The following TREML4 variants were observed in gnomAD, a reference collection of about 807,000 sequenced individuals.
The protein encoded by TREML4 is triggering receptor expressed on myeloid cells like 4, also known as trem-like transcript 4 protein.
TREML4 carries 25 observed loss-of-function variants against 25.4 expected under a neutral mutation model. That is an observed-to-expected ratio of 0.98 (90% CI 0.72 to 1.37). The LOEUF (loss-of-function observed/expected upper bound fraction) is 1.37. TREML4 is among the 40% of genes most tolerant of loss of function. The pLI, the probability that TREML4 is intolerant of heterozygous loss-of-function variation, is 0.00. For synonymous variants in TREML4, 92 were observed against 87.9 expected (o/e 1.05, Z -0.26); for missense variants, 268 against 236.5 (o/e 1.13, Z -0.87).
intron 4 of TREML4, among the ~76,000 whole-genome samples, chr6:41,233,429 T>C (rs1312300965): frequency 2.6e-5 from 4 of 152,184 alleles, no homozygotes; most frequent in African/African-American, 7.2e-5. Flanking sequence ...AAATAAACTC[T>C]TCTGGCACTC....
At position 41,236,604 on chromosome 6, in the gene TREML4, T is replaced by TGCAGGTGCC; in HGVS notation, c.*23_*31dup. ...GTGAGTCCTGTTAGTGCTCCTGATCTGCAGGTGCCACAGGTGAGGGGGCCT... is the reference window on the plus strand; with the variant it reads ...GTGAGTCCTGTTAGTGCTCCTGATCTGCAGGTGCCGCAGGTGCCACAGGTGAGGGGGCCT... On this transcript the variant is annotated 3_prime_UTR_variant, in exon 5 of 6. Transcript: ENST00000341495. 6.3e-7 allele frequency: 1 copy of TGCAGGTGCC among 1,578,870 alleles called. No homozygotes were observed. Among genetic ancestry groups the TGCAGGTGCC allele is most frequent in the South Asian group, 1.1e-5 (1 of 90,230 alleles).
intron 4 of TREML4, among the ~76,000 whole-genome samples, chr6:41,231,820 CTCCTGTGGGAGA>C: frequency 1.3e-5 from 2 of 152,122 alleles, no homozygotes; most frequent in South Asian, 4.1e-4. Context: ...GTATCAAGAA[CTCCTGTGGGAGA>C]TAAAGGATGA....
At chr6:41,230,926 G>T (rs1299697608) in intron 4 of TREML4, among the ~76,000 whole-genome samples, 3 of 152,174 alleles carry the variant, frequency 2.0e-5, no homozygotes, top group African/African-American at 7.2e-5. Context: ...ATTACTGCCT[G>T]AGCTCTGCCT....
chr6:41,232,072 GA>G (rs1766810709), intron 4 of TREML4, among the ~76,000 whole-genome samples: 1 of 152,152 alleles, frequency 6.6e-6, no homozygotes, highest in African/African-American at 2.4e-5. Flanking sequence ...TTCTTAAGAA[GA>G]ACACTAGAGA....
chr6:41,234,400 G>A (rs923003544), intron 4 of TREML4, among the ~76,000 whole-genome samples: 12 of 151,816 alleles, frequency 7.9e-5, no homozygotes, highest in African/African-American at 2.4e-4. Flanking sequence ...GATGGAACAC[G>A]AGCATCAGAG....
chr6:41,231,171 T>C (rs4337930), intron 4 of TREML4: 273,103 of 361,110 alleles, frequency 0.76, 105,794 homozygotes, highest in East Asian at 0.85. Context: ...TATTACAACA[T>C]GATAATAATA....
chr6:41,230,723 A>G (rs1766780313), intron 4 of TREML4, among the ~76,000 whole-genome samples: 1 of 152,178 alleles, frequency 6.6e-6, no homozygotes, highest in African/African-American at 2.4e-5. Flanking sequence ...GTAGATTACA[A>G]ACAGACTATC....
chr6:41,231,058 T>C (rs1025990427), intron 4 of TREML4: 183 of 415,034 alleles, frequency 4.4e-4, no homozygotes, highest in Non-Finnish European at 1.2e-4. Context: ...GATCTGTCAC[T>C]GTCTCCCATC....
At chr6:41,230,436 T>TAG (rs1766771234) in intron 4 of TREML4, among the ~76,000 whole-genome samples, 1 of 152,128 alleles carries the variant, frequency 6.6e-6, no homozygotes, top group African/African-American at 2.4e-5. Flanking sequence ...TGAGTATGAA[T>TAG]AGAGTCACTG....
intron 4 of TREML4, 51 bp from the exon 5 acceptor site, chr6:41,236,435 G>A: frequency 1.3e-6 from 2 of 1,532,766 alleles, no homozygotes; most frequent in Non-Finnish European, 1.8e-6. Context: ...ACCGCAGGAG[G>A]TGGTGACATC....
At position 41,228,503 on chromosome 6, in the gene TREML4, G is replaced by C; in HGVS notation, c.63+13G>C. ...CTCCTGGCCTCAGGTGACATGGAGGGAAAGAGTGCAGGGGGTGTAAGGAGT... is the reference window on the plus strand; with the variant it reads ...CTCCTGGCCTCAGGTGACATGGAGGCAAAGAGTGCAGGGGGTGTAAGGAGT... On this transcript the variant is annotated intron_variant, in intron 1 of 5. Transcript: ENST00000341495. 1 of 1,611,342 alleles carries C rather than the reference G, an allele frequency of 6.2e-7. No homozygotes were observed. The highest frequency in any genetic ancestry group is 8.5e-7 in the Non-Finnish European group (1 of 1,178,914).
Position 41,228,767 on chromosome 6 carries a change from A to G in TREML4, c.117A>G (p.Gln39=), listed in dbSNP as rs750417502. ...HKHPGQTLLL[Q]CQYSPKRGPY... ...ACCCAGGACAGACCCTCCTCCTGCA[A>G]TGCCAGTACTCACCCAAGAGAGGGC... is the stretch of plus-strand genomic sequence containing the variant. Residue 39 remains glutamine (Q), a synonymous_variant, in exon 2 of 6, where the codon CAA becomes CAG. Coordinates refer to ENST00000341495, the MANE Select transcript of TREML4 (RefSeq NM_198153.3). 9 of 1,613,920 alleles carry G rather than the reference A, an allele frequency of 5.6e-6. No homozygotes were observed. The South Asian group carries it at 9.9e-5, about 18-fold the overall frequency.
At chr6:41,229,147 G>C (rs1766737913) in intron 2 of TREML4, 103 bp downstream of exon 2, 5 of 1,078,132 alleles carry the variant, frequency 4.6e-6, no homozygotes, top group Non-Finnish European at 5.3e-6. Context: ...CATCCTGCCA[G>C]GTATTCTGCT....
chr6:41,230,744 T>A (rs892564937), intron 4 of TREML4, among the ~76,000 whole-genome samples: 10 of 151,992 alleles, frequency 6.6e-5, no homozygotes, highest in Non-Finnish European at 1.0e-4. Context: ...TCTCAGGGAG[T>A]TTGAAGGTGA....
At chr6:41,236,297 C>G (rs1766898027) in intron 4 of TREML4, among the ~76,000 whole-genome samples, 189 bp from the exon 5 acceptor site, 1 of 152,158 alleles carries the variant, frequency 6.6e-6, no homozygotes. Context: ...TTTGAGGTTC[C>G]TTCTGACTAG....
Position 41,228,791 on chromosome 6 carries a change from G to A in TREML4, c.141G>A (p.Gly47=). The stretch of plus-strand genomic sequence containing the variant: ...AATGCCAGTACTCACCCAAGAGAGG[G>A]CCCTATCAGCCCAAATCCTGGTGTC... The part of the protein sequence containing the change: ...LLQCQYSPKR[G]PYQPKSWCQQ... Residue 47 remains glycine, a synonymous_variant, in exon 2 of 6, where the codon GGG becomes GGA. Coordinates refer to ENST00000341495, the MANE Select transcript of TREML4 (RefSeq NM_198153.3). 1.2e-6 allele frequency: 2 copies of A among 1,614,094 alleles called. No individual in the cohort carries two copies. The highest frequency in any genetic ancestry group is 1.7e-6 in the Non-Finnish European group (2 of 1,180,000).
intron 4 of TREML4, among the ~76,000 whole-genome samples, chr6:41,231,344 G>A (rs1766796036): frequency 6.6e-6 from 1 of 151,622 alleles, no homozygotes; most frequent in South Asian, 2.1e-4. Flanking sequence ...AACCCTCAAT[G>A]GCTAGAGGAT....
intron 4 of TREML4, among the ~76,000 whole-genome samples, chr6:41,233,344 A>C (rs1483642904): frequency 6.6e-6 from 1 of 152,238 alleles, no homozygotes; most frequent in Non-Finnish European, 1.5e-5. Context: ...ATGTTATACT[A>C]TCTATAAGAG....
At position 41,228,773 on chromosome 6, in the gene TREML4, G is replaced by T; in HGVS notation, c.123G>T (p.Gln41His). ...GACAGACCCTCCTCCTGCAATGCCA[G>T]TACTCACCCAAGAGAGGGCCCTATC... The part of the protein sequence containing the change: ...HPGQTLLLQC[Q>H]YSPKRGPYQP... Residue 41 changes from glutamine (Q) to histidine (H), a missense_variant, in exon 2 of 6, where the codon CAG becomes CAT. Transcript: ENST00000341495. 6.2e-7 allele frequency: 1 copy of T among 1,614,122 alleles called. No individual in the cohort carries two copies. Among genetic ancestry groups the T allele is most frequent in the Non-Finnish European group, 8.5e-7 (1 of 1,180,026 alleles).
Sources: allele counts gnomAD v4.1 joint callset (sites outside exome capture counted in the v4.1 genomes callset), GRCh38; gene constraint gnomAD v4.1.1; transcripts MANE v1.5; gene names NCBI Gene and HGNC (gene_info 2026-07-23, HGNC 2026-07-21).